The following PCCA variants were observed in gnomAD, a reference collection of about 807,000 sequenced individuals.
PCCA encodes propionyl-CoA carboxylase subunit alpha.
Under a neutral mutation model 101.3 loss-of-function variants are expected in PCCA, and 74 were observed. That is an observed-to-expected ratio of 0.73 (90% CI 0.61 to 0.89). The LOEUF (loss-of-function observed/expected upper bound fraction) is 0.89. Among genes scored for constraint, PCCA ranks in the 40% least tolerant of loss-of-function variants. The pLI, the probability that PCCA is intolerant of heterozygous loss-of-function variation, is 0.00. For missense variants in PCCA, 891 were observed against 907.0 expected (o/e 0.98, Z 0.23); for synonymous variants, 294 against 313.6 (o/e 0.94, Z 0.66).
chr13:100,459,339 C>G (rs148318532), intron 21 of PCCA, among the ~76,000 whole-genome samples: 8 of 152,266 alleles, frequency 5.3e-5, no homozygotes, highest in African/African-American at 1.7e-4. Flanking sequence ...ATCTGAAAGC[C>G]TACTTGACAC....
intron 7 of PCCA, among the ~76,000 whole-genome samples, chr13:100,222,002 G>C (rs191062209): frequency 6.6e-6 from 1 of 152,084 alleles, no homozygotes; most frequent in Admixed American, 6.5e-5. Context: ...TCCCCAAAGT[G>C]CTAGGATTAT....
intron 6 of PCCA, among the ~76,000 whole-genome samples, chr13:100,188,080 G>C (rs2057437866): frequency 6.6e-6 from 1 of 152,124 alleles, no homozygotes; most frequent in African/African-American, 2.4e-5. Context: ...GGATCACGAG[G>C]TCAAGAGATC....
At position 100,331,115 on chromosome 13, in the gene PCCA, G is replaced by T. The variant is rs566335937; in HGVS notation, c.1540+444G>T. On this transcript the variant is annotated intron_variant, in intron 17 of 23. Transcript: ENST00000376285. Reference sequence around the variant, plus strand: ...CCTATTAATGAAAATCTAGGAAGATGATGATTTTATTCTGAAAAATGAAGT... The same window carrying T: ...CCTATTAATGAAAATCTAGGAAGATTATGATTTTATTCTGAAAAATGAAGT... 6.4e-4 allele frequency among the ~76,000 whole-genome samples: 97 copies of T among 152,282 alleles called. 1 individual carries two copies. Among genetic ancestry groups the T allele is most frequent in the African/African-American group, 2.1e-3 (89 of 41,566 alleles).
At chr13:100,227,991 A>G (rs1022207792) in intron 7 of PCCA, among the ~76,000 whole-genome samples, 2 of 152,174 alleles carry the variant, frequency 1.3e-5, no homozygotes, top group Non-Finnish European at 2.9e-5. Flanking sequence ...TGTTTTAACA[A>G]TTCTGCTGAA....
chr13:100,269,658 T>C (rs1229515471), intron 11 of PCCA, among the ~76,000 whole-genome samples: 1 of 152,216 alleles, frequency 6.6e-6, no homozygotes, highest in East Asian at 1.9e-4. Context: ...TTCCTAGTAA[T>C]TTTTAATTAC....
intron 19 of PCCA, among the ~76,000 whole-genome samples, chr13:100,418,079 C>T (rs1478316082): frequency 6.6e-6 from 1 of 152,180 alleles, no homozygotes; most frequent in Non-Finnish European, 1.5e-5. Context: ...CCTGTATTTT[C>T]TCTCCATCCA....
intron 10 of PCCA, among the ~76,000 whole-genome samples, chr13:100,265,102 G>A (rs578189139): frequency 5.8e-4 from 88 of 152,180 alleles, no homozygotes; most frequent in Non-Finnish European, 1.1e-3. Flanking sequence ...TTTGTCAGAT[G>A]TATGTATAGT....
chr13:100,386,594 G>A (rs1480056106), intron 19 of PCCA, among the ~76,000 whole-genome samples: 1 of 152,174 alleles, frequency 6.6e-6, no homozygotes, highest in African/African-American at 2.4e-5. Flanking sequence ...TGTTAGCCAG[G>A]ATGGTCTCCA....
chr13:100,515,575 CTG>C lies in PCCA; in HGVS notation c.2040+16_2040+17del, dbSNP rs751014655. 4 of 1,613,046 alleles carry C rather than the reference CTG, an allele frequency of 2.5e-6. No homozygotes were observed. Among genetic ancestry groups the C allele is most frequent in the South Asian group, 2.2e-5 (2 of 91,074 alleles). On this transcript the variant is annotated intron_variant, in intron 22 of 23. Transcript: ENST00000376285. ...GTCAAGCCTGGAGACGCGGTAAGGG[CTG>C]TGTGTGTCTCTCTGCAGGACATGCT... is the stretch of plus-strand genomic sequence containing the variant.
At chr13:100,507,831 G>A (rs1594065596) in intron 21 of PCCA, among the ~76,000 whole-genome samples, 2 of 151,954 alleles carry the variant, frequency 1.3e-5, no homozygotes, top group African/African-American at 2.4e-5. Flanking sequence ...TAATTTTTTG[G>A]ATTTTTAGTA....
At chr13:100,406,442 C>A (rs534640049) in intron 19 of PCCA, among the ~76,000 whole-genome samples, 1 of 152,184 alleles carries the variant, frequency 6.6e-6, no homozygotes, top group African/African-American at 2.4e-5. Context: ...CGGCCGCTCA[C>A]GCCTGTAATC....
At chr13:100,393,860 C>T (rs2076930031) in intron 19 of PCCA, among the ~76,000 whole-genome samples, 1 of 152,152 alleles carries the variant, frequency 6.6e-6, no homozygotes, top group South Asian at 2.1e-4. Flanking sequence ...AAGACTGATG[C>T]ATCTGTTTTG....
intron 22 of PCCA, among the ~76,000 whole-genome samples, chr13:100,524,679 C>T (rs532714096): frequency 5.9e-5 from 9 of 152,222 alleles, no homozygotes; most frequent in African/African-American, 1.9e-4. Flanking sequence ...TGAGACCAGC[C>T]TGGCCAATGT....
At chr13:100,335,752 G>T (rs1595415914) in intron 17 of PCCA, among the ~76,000 whole-genome samples, 2 of 152,130 alleles carry the variant, frequency 1.3e-5, no homozygotes, top group East Asian at 3.9e-4. Context: ...TCCTCAGTTG[G>T]TTCCCAGGGG....
intron 4 of PCCA, among the ~76,000 whole-genome samples, chr13:100,125,750 C>T (rs1309672689): frequency 1.3e-5 from 2 of 152,038 alleles, no homozygotes; most frequent in African/African-American, 2.4e-5. Flanking sequence ...TTTGCAGAAA[C>T]AGTATACTGT....
intron 19 of PCCA, among the ~76,000 whole-genome samples, chr13:100,390,192 A>T (rs2076732080): frequency 6.6e-6 from 1 of 152,236 alleles, no homozygotes; most frequent in African/African-American, 2.4e-5. Flanking sequence ...GCAATATGTT[A>T]TTTAACAACA....
At chr13:100,442,234 T>C (rs1385510662) in intron 20 of PCCA, among the ~76,000 whole-genome samples, 1 of 152,156 alleles carries the variant, frequency 6.6e-6, no homozygotes, top group African/African-American at 2.4e-5. Context: ...GCTCAAGTGA[T>C]CCGCCTTCCT....
chr13:100,209,551 T>C (rs1243394516), intron 7 of PCCA, 88 bp downstream of exon 7: 10 of 1,065,716 alleles, frequency 9.4e-6, no homozygotes, highest in South Asian at 2.6e-5. Context: ...TATTGCTTTT[T>C]TGGGATATAC....
At chr13:100,348,107 A>C (rs1163610889) in intron 18 of PCCA, among the ~76,000 whole-genome samples, 1 of 152,182 alleles carries the variant, frequency 6.6e-6, no homozygotes, top group Non-Finnish European at 1.5e-5. Context: ...ATGGATTCTA[A>C]GAGTCACCCT....
Sources: allele counts gnomAD v4.1 joint callset (sites outside exome capture counted in the v4.1 genomes callset), GRCh38; gene constraint gnomAD v4.1.1; transcripts MANE v1.5; gene names NCBI Gene and HGNC (gene_info 2026-07-23, HGNC 2026-07-21).